UTP20: variants seen among roughly 807,000 people sequenced by gnomAD.
UTP20 encodes the protein UTP20 small subunit processome component.
In UTP20, 164 loss-of-function variants were observed where a neutral mutation model predicts 329.5. The ratio of observed to expected loss-of-function variants is 0.50; its 90% CI spans 0.44 to 0.57. The LOEUF (loss-of-function observed/expected upper bound fraction) is 0.57, where lower values mean the gene tolerates loss of function less well. Among genes scored for constraint, UTP20 ranks in the 20% least tolerant of loss-of-function variants. The probability of loss-of-function intolerance (pLI) is 0.00; values close to 1 mark genes in which losing one functional copy is unlikely to be tolerated. For synonymous variants in UTP20, 1,151 were observed against 1,159.3 expected, an observed-to-expected ratio of 0.99 and a Z score of 0.14; for missense variants, 3,055 against 3,284.2, an observed-to-expected ratio of 0.93 and a Z score of 1.71.
At chr12:101,333,856 G>C (rs536339015) in intron 28 of UTP20, among the ~76,000 whole-genome samples, 124 of 152,314 alleles carry the variant, frequency 8.1e-4, no homozygotes, top group African/African-American at 2.7e-3. Flanking sequence ...TAGAGATGGA[G>C]TTTCGCCATG....
intron 19 of UTP20, among the ~76,000 whole-genome samples, chr12:101,310,577 CAA>C (rs549641642): frequency 5.0e-4 from 22 of 44,378 alleles, no homozygotes; most frequent in African/African-American, 1.6e-3. Flanking sequence ...CTCTGTCTCC[CAA>C]AAAAAAAAAA....
chr12:101,286,825 T>C (rs1466449483), intron 5 of UTP20, among the ~76,000 whole-genome samples: 3 of 152,108 alleles, frequency 2.0e-5, no homozygotes, highest in Non-Finnish European at 4.4e-5. Context: ...TAACCACCTA[T>C]GTCACACAAC....
At chr12:101,311,642 TC>T in intron 19 of UTP20, 76 bp from the exon 20 acceptor site, 3 of 1,244,970 alleles carry the variant, frequency 2.4e-6, no homozygotes, top group African/African-American at 3.8e-5. Context: ...ATCCTTTCAC[TC>T]TTTTTTTTTT....
rs1369848970 is a variant in UTP20 at position 101,317,654 on chromosome 12, C to G, written c.2729C>G (p.Ala910Gly). The change falls in exon 22 of 62, where the codon GCT becomes GGT. Residue 910 changes from alanine to glycine, a missense_variant. Around this residue, in one of 3 missense-constraint regions of UTP20, gnomAD observed 2,445 missense variants for 2,575.5 expected, o/e 0.95. Transcript: ENST00000261637. ...ESSQKKKTRR[A>G]AAKQLIAHLQ... is the part of the protein sequence containing the mutation. ...TCACAGAAGAAAAAGACGAGGAGAG[C>G]TGCAGCAAAGTAAGTTCACCATTGC... The G allele has an allele frequency of 6.2e-7, 1 of 1,608,580 alleles. No individual in the cohort carries two copies. The highest frequency in any genetic ancestry group is 1.1e-5 in the South Asian group (1 of 90,088).
chr12:101,373,821 T>C, intron 54 of UTP20, 54 bp downstream of exon 54: 1 of 1,560,150 alleles, frequency 6.4e-7, no homozygotes, highest in Non-Finnish European at 8.7e-7. Context: ...TTGGGGATCA[T>C]AGTTTAAGTA....
chr12:101,353,250 A>G (rs1373818900), intron 40 of UTP20, 121 bp downstream of exon 40: 4 of 523,842 alleles, frequency 7.6e-6, no homozygotes, highest in African/African-American at 3.8e-5. Context: ...AGCAATGGAC[A>G]GTTAATGAGT....
At position 101,290,208 on chromosome 12, in the gene UTP20, T is replaced by C. The variant is rs1157963865; in HGVS notation, c.669T>C (p.Gly223=). 2 of 1,608,964 alleles carry C rather than the reference T, an allele frequency of 1.2e-6. No homozygotes were observed. The highest frequency in any genetic ancestry group is 1.7e-6 in the Non-Finnish European group (2 of 1,177,492). ...DLDKHPEKVE[G]VGQLLFEMCK... ...ATAAACATCCAGAAAAAGTTGAAGG[T>C]GTTGGACAGTTGCTCTTTGAAATGT... Residue 223 remains glycine (G), a synonymous_variant, in exon 7 of 62, where the codon GGT becomes GGC. Transcript: ENST00000261637.
At chr12:101,323,522 A>G (rs565747610) in intron 25 of UTP20, among the ~76,000 whole-genome samples, 63 of 152,252 alleles carry the variant, frequency 4.1e-4, no homozygotes, top group African/African-American at 1.4e-3. Context: ...AATTCTTGCT[A>G]ATTTGTCAGT....
rs776706434 is a variant in UTP20 at position 101,338,161 on chromosome 12, T to C, written c.3752T>C (p.Ile1251Thr). ...AKNLSDATASIVMDIVDDLLN... is the reference protein window; with the variant it reads ...AKNLSDATASTVMDIVDDLLN... ...AATCTTTCTGATGCCACAGCCAGTA[T>C]TGTAATGGACATAGTTGATGACCTT... The change falls in exon 30 of 62, where the codon ATT (isoleucine) becomes ACT (threonine). Residue 1251 changes from isoleucine (I) to threonine (T), a missense_variant. Transcript: ENST00000261637. The C allele has an allele frequency of 5.6e-6, 9 of 1,614,098 alleles. No individual in the cohort carries two copies. In the Admixed American group the frequency reaches 1.5e-4, roughly 27 times the overall value.
chr12:101,296,991 C>T (rs759843762), intron 12 of UTP20, among the ~76,000 whole-genome samples: 3 of 152,100 alleles, frequency 2.0e-5, no homozygotes, highest in African/African-American at 7.2e-5. Flanking sequence ...TGTTTTTATA[C>T]TTAATCTTCT....
chr12:101,373,111 A>T, intron 52 of UTP20, 148 bp downstream of exon 52: 1 of 737,094 alleles, frequency 1.4e-6, no homozygotes, highest in Non-Finnish European at 2.2e-6. Flanking sequence ...TGATAATCAG[A>T]CATTGTGCTT....
chr12:101,306,571 C>G, intron 16 of UTP20, 128 bp from the exon 17 acceptor site: 1 of 744,910 alleles, frequency 1.3e-6, no homozygotes. Context: ...CTAGAATAGG[C>G]ACATATTACT....
chr12:101,284,622 C>T (rs1871900420), intron 2 of UTP20, among the ~76,000 whole-genome samples: 1 of 151,974 alleles, frequency 6.6e-6, no homozygotes, highest in Non-Finnish European at 1.5e-5. Flanking sequence ...CATCTATATA[C>T]ACACATACGT....
At position 101,321,428 on chromosome 12, in the gene UTP20, G is replaced by T; in HGVS notation, c.2916-76G>T. 6.3e-6 allele frequency: 10 copies of T among 1,581,434 alleles called. No homozygotes were observed. The South Asian group carries it at 1.1e-4, about 18-fold the overall frequency. ...TACCTTATTTTAGTTATTACTCTGT[G>T]TACATATTTCACTCTTTCATTATTC... On this transcript the variant is annotated intron_variant, in intron 24 of 61. Transcript: ENST00000261637.
At chr12:101,308,734 GTT>G (rs34029914) in intron 18 of UTP20, among the ~76,000 whole-genome samples, 7,134 of 144,098 alleles carry the variant, frequency 0.05, 595 homozygotes, top group African/African-American at 0.17. Flanking sequence ...AGCTCTCTAT[GTT>G]TTTTTTTTTT....
At position 101,293,251 on chromosome 12, in the gene UTP20, C is replaced by T. The variant is rs1872230192; in HGVS notation, c.1251+6C>T. On this transcript the variant is annotated splice_donor_region_variant and intron_variant, in intron 11 of 61. Coordinates refer to ENST00000261637, the MANE Select transcript of UTP20 (RefSeq NM_014503.3). ...CCATGAAGCAGTTTGAGCAGGTAAG[C>T]AAGTTACTAAGTTCGGAGTATTTTT... The T allele has an allele frequency of 4.3e-6, 7 of 1,612,674 alleles. No homozygotes were observed. The highest frequency in any genetic ancestry group is 5.9e-6 in the Non-Finnish European group (7 of 1,178,982).
At chr12:101,327,894 C>T (rs1868620917) in intron 26 of UTP20, among the ~76,000 whole-genome samples, 2 of 151,466 alleles carry the variant, frequency 1.3e-5, no homozygotes, top group Admixed American at 1.3e-4. Context: ...CTCAGTTGAT[C>T]CTTCAGACAA....
At chr12:101,359,294 G>T (rs148077228) in intron 43 of UTP20, among the ~76,000 whole-genome samples, 2 of 152,084 alleles carry the variant, frequency 1.3e-5, no homozygotes, top group Non-Finnish European at 2.9e-5. Context: ...TCAAATTCCT[G>T]GCCTCAAGAG....
chr12:101,295,362 G>T, intron 11 of UTP20, 118 bp from the exon 12 acceptor site: 1 of 873,202 alleles, frequency 1.1e-6, no homozygotes, highest in African/African-American at 1.7e-5. Flanking sequence ...TTCCTATGTA[G>T]AGGTCTAATG....
Sources: gnomAD v4.1 joint callset for allele counts (sites outside exome capture counted in the v4.1 genomes callset) on GRCh38, gnomAD v4.1.1 for gene constraint, gnomAD v4.1.1 regional missense constraint, MANE v1.5 for transcripts, NCBI Gene and HGNC (gene_info 2026-07-23, HGNC 2026-07-21) for gene names.